Variants in NPAS3 observed in about 807,000 individuals in gnomAD.
The protein encoded by NPAS3 is neuronal PAS domain protein 3, also known as neuronal PAS domain-containing protein 3.
A neutral mutation model predicts 73.1 loss-of-function variants in NPAS3; 14 were observed. The ratio of observed to expected loss-of-function variants is 0.19; its 90% CI spans 0.13 to 0.30. NPAS3 has a LOEUF of 0.30. Among genes scored for constraint, NPAS3 ranks in the 10% least tolerant of loss-of-function variants. The pLI, the probability that NPAS3 is intolerant of heterozygous loss-of-function variation, is 1.00. For missense variants in NPAS3, 1,096 were observed against 1,250.0 expected (o/e 0.88, Z 1.86); for synonymous variants, 620 against 541.5 (o/e 1.14, Z -2.01).
intron 2 of NPAS3, among the ~76,000 whole-genome samples, chr14:33,116,185 G>A (rs1001029719): frequency 3.3e-5 from 5 of 152,086 alleles, no homozygotes; most frequent in African/African-American, 1.2e-4. Context: ...GTGTCACAAA[G>A]GGATTATATC....
intron 5 of NPAS3, among the ~76,000 whole-genome samples, chr14:33,639,302 G>C (rs2058612521): frequency 6.6e-6 from 1 of 152,004 alleles, no homozygotes; most frequent in Non-Finnish European, 1.5e-5. Flanking sequence ...TCAAGAAATA[G>C]GAGCTAGAGA....
chr14:33,392,360 A>G (rs2047044467), intron 4 of NPAS3, among the ~76,000 whole-genome samples: 1 of 152,174 alleles, frequency 6.6e-6, no homozygotes, highest in Non-Finnish European at 1.5e-5. Context: ...AGCTATTAGT[A>G]TTCCTACTTT....
intron 4 of NPAS3, among the ~76,000 whole-genome samples, chr14:33,538,730 G>C (rs778140863): frequency 4.2e-4 from 64 of 152,132 alleles, no homozygotes; most frequent in African/African-American, 1.2e-3. Context: ...TTACATAAAG[G>C]CTTGATTAAA....
At chr14:33,081,797 G>A (rs1350316725) in intron 2 of NPAS3, among the ~76,000 whole-genome samples, 2 of 152,186 alleles carry the variant, frequency 1.3e-5, no homozygotes, top group African/African-American at 4.8e-5. Flanking sequence ...AGCTCTGGGT[G>A]TCCATGAATC....
chr14:32,969,575 G>T (rs1320222421), intron 1 of NPAS3, among the ~76,000 whole-genome samples: 1 of 152,138 alleles, frequency 6.6e-6, no homozygotes, highest in Non-Finnish European at 1.5e-5. Context: ...GATTTTGTTA[G>T]ATTGAGTTTG....
At chr14:33,529,407 A>G (rs1157223826) in intron 4 of NPAS3, among the ~76,000 whole-genome samples, 1 of 152,062 alleles carries the variant, frequency 6.6e-6, no homozygotes, top group Non-Finnish European at 1.5e-5. Flanking sequence ...TCCTGAGCAG[A>G]ATCTAGGTTA....
chr14:33,699,882 G>A lies in NPAS3; in HGVS notation c.733+23497G>A, dbSNP rs77477949. 4.2e-3 allele frequency among the ~76,000 whole-genome samples: 640 copies of A among 152,232 alleles called. 31 individuals are homozygous for A. The East Asian group carries it at 0.099, about 24-fold the overall frequency. On this transcript the variant is annotated intron_variant, in intron 6 of 11. Transcript: ENST00000356141. Reference sequence around the variant, plus strand: ...CTCATATATTCCAAATAACAGGGGGGAAAGAATTCCAAATAGCTTAACATC... The same window carrying A: ...CTCATATATTCCAAATAACAGGGGGAAAAGAATTCCAAATAGCTTAACATC...
At chr14:33,109,242 A>T (rs2138948521) in intron 2 of NPAS3, among the ~76,000 whole-genome samples, 1 of 152,264 alleles carries the variant, frequency 6.6e-6, no homozygotes, top group Middle Eastern at 3.4e-3. Flanking sequence ...GATTCCAGCA[A>T]ATAGAAATTG....
At chr14:33,623,218 G>C (rs908859857) in intron 5 of NPAS3, among the ~76,000 whole-genome samples, 4 of 152,202 alleles carry the variant, frequency 2.6e-5, no homozygotes, top group Middle Eastern at 3.4e-3. Flanking sequence ...TAAAAATACT[G>C]GTCATAAAGA....
intron 4 of NPAS3, among the ~76,000 whole-genome samples, chr14:33,468,239 G>A (rs572097510): frequency 5.8e-4 from 89 of 152,316 alleles, no homozygotes; most frequent in Non-Finnish European, 1.1e-3. Flanking sequence ...CACCAGGCTC[G>A]TATGGAAATT....
intron 1 of NPAS3, among the ~76,000 whole-genome samples, chr14:32,976,712 C>A (rs2037694618): frequency 6.6e-6 from 1 of 152,138 alleles, no homozygotes; most frequent in Admixed American, 6.5e-5. Context: ...ACACAGAGCA[C>A]AGCAAAAGAT....
chr14:32,997,461 A>G (rs769692393), intron 1 of NPAS3, among the ~76,000 whole-genome samples: 9 of 152,136 alleles, frequency 5.9e-5, no homozygotes, highest in Non-Finnish European at 8.8e-5. Context: ...CCCAAGTCTC[A>G]TGTTGCAAGT....
At chr14:33,137,844 T>C (rs1595528038) in intron 2 of NPAS3, among the ~76,000 whole-genome samples, 4 of 152,178 alleles carry the variant, frequency 2.6e-5, no homozygotes, top group African/African-American at 9.7e-5. Flanking sequence ...GGAAATCTGT[T>C]AATCTAGATT....
At chr14:33,129,538 A>G (rs1049537180) in intron 2 of NPAS3, among the ~76,000 whole-genome samples, 2 of 152,184 alleles carry the variant, frequency 1.3e-5, no homozygotes, top group Admixed American at 1.3e-4. Flanking sequence ...ATGTGCTTGT[A>G]AAGAAATGTC....
intron 4 of NPAS3, among the ~76,000 whole-genome samples, chr14:33,459,460 A>G (rs1241479282): frequency 6.6e-6 from 1 of 152,230 alleles, no homozygotes; most frequent in Non-Finnish European, 1.5e-5. Flanking sequence ...TTGATTGAGT[A>G]CATAATCCTG....
At chr14:33,067,122 G>C (rs749033716) in intron 2 of NPAS3, among the ~76,000 whole-genome samples, 2 of 152,194 alleles carry the variant, frequency 1.3e-5, no homozygotes, top group Non-Finnish European at 2.9e-5. Context: ...GACCCTCTCC[G>C]GTCTGTGTGG....
chr14:33,523,945 G>A (rs926550601), intron 4 of NPAS3, among the ~76,000 whole-genome samples: 2 of 152,194 alleles, frequency 1.3e-5, no homozygotes, highest in African/African-American at 4.8e-5. Context: ...GCCCTTGAGT[G>A]TCAGGTAACG....
intron 3 of NPAS3, among the ~76,000 whole-genome samples, chr14:33,246,617 G>A (rs983186000): frequency 8.0e-5 from 12 of 150,942 alleles, no homozygotes; most frequent in African/African-American, 2.9e-4. Context: ...CTAATTAGAA[G>A]AGTATCTACT....
At chr14:33,399,074 G>T (rs1036776448) in intron 4 of NPAS3, among the ~76,000 whole-genome samples, 1 of 152,024 alleles carries the variant, frequency 6.6e-6, no homozygotes, top group Non-Finnish European at 1.5e-5. Flanking sequence ...TATTGAGGTT[G>T]GTTATGAACC....
Sources: gnomAD v4.1 joint callset for allele counts (sites outside exome capture counted in the v4.1 genomes callset) on GRCh38, gnomAD v4.1.1 for gene constraint, MANE v1.5 for transcripts, NCBI Gene and HGNC (gene_info 2026-07-23, HGNC 2026-07-21) for gene names.